Variants in MBNL1 observed in about 807,000 individuals in gnomAD.
MBNL1 encodes muscleblind-like protein 1.
A neutral mutation model predicts 42.2 loss-of-function variants in MBNL1; 8 were observed. The ratio of observed to expected loss-of-function variants is 0.19; its 90% CI spans 0.11 to 0.34. The LOEUF (loss-of-function observed/expected upper bound fraction) is 0.34, where lower values mean the gene tolerates loss of function less well. MBNL1 is among the 10% of genes least tolerant of loss of function. MBNL1 has a pLI of 1.00. For synonymous variants in MBNL1, 169 were observed against 173.9 expected, an observed-to-expected ratio of 0.97 and a Z score of 0.22; for missense variants, 309 against 495.3, an observed-to-expected ratio of 0.62 and a Z score of 3.57.
Position 152,299,527 on chromosome 3 carries a change from T to A in MBNL1, c.-667T>A, listed in dbSNP as rs939232018. The A allele has an allele frequency of 1.5e-5, 6 of 392,502 alleles. No homozygotes were observed. The highest frequency in any genetic ancestry group is 2.7e-5 in the Non-Finnish European group (6 of 222,634). 24.3% of individuals were successfully genotyped at this position (392,502 alleles called of 1,614,324 possible). A position where few individuals can be genotyped will look rare whatever the true frequency, so the allele number is the denominator to read the frequency against. ...GACGACAGCACATCCACCCTCCACC[T>A]CTAGCCCAGACACCCCCATTTCTAC... On this transcript the variant is annotated 5_prime_UTR_variant, in exon 2 of 10. Transcript: ENST00000324210.
rs558343026 is a variant in MBNL1, at chr3:152,333,813, A to G, written c.174+33446A>G. Among the ~76,000 whole-genome samples, 8 of 152,346 alleles carry G rather than the reference A, an allele frequency of 5.3e-5. No homozygotes were observed. In the East Asian group the frequency reaches 9.6e-4, roughly 18 times the overall value. ...TTTTAAAATGTCTGTCTCGTTAACAATAAATGTGCAATATACAAATAAATG... is the reference window on the plus strand; with the variant it reads ...TTTTAAAATGTCTGTCTCGTTAACAGTAAATGTGCAATATACAAATAAATG... On this transcript the variant is annotated intron_variant, in intron 2 of 9. Transcript: ENST00000324210.
intron 2 of MBNL1, among the ~76,000 whole-genome samples, chr3:152,303,459 C>T (rs2151683271): frequency 6.6e-6 from 1 of 152,184 alleles, no homozygotes; most frequent in African/African-American, 2.4e-5. Context: ...GGTGTATTAG[C>T]TATTTCAGAA....
intron 6 of MBNL1, among the ~76,000 whole-genome samples, chr3:152,453,604 G>A (rs1727840189): frequency 6.6e-6 from 1 of 152,104 alleles, no homozygotes; most frequent in Non-Finnish European, 1.5e-5. Context: ...TTTCATTTTT[G>A]GTAAGTGGGT....
rs1431743653 is a variant in MBNL1, at chr3:152,269,084, ATG to A, written c.-795_-794del. ...CAGTGGGGCCGCCTCTGAAAAAAAA[ATG>A]TGAGAGGTAAGTTTCCATTTTCACA... On this transcript the variant is annotated 5_prime_UTR_variant, in exon 1 of 10. An upstream open reading frame in the 5' UTR loses its in-frame stop. Coordinates refer to ENST00000324210, the MANE Select transcript of MBNL1 (RefSeq NM_021038.5). 1.8e-5 allele frequency: 8 copies of A among 454,942 alleles called. No individual in the cohort carries two copies. The highest frequency in any genetic ancestry group is 1.6e-4 in the Admixed American group (7 of 42,508). 28.2% of individuals were successfully genotyped at this position (454,942 alleles called of 1,614,324 possible).
intron 3 of MBNL1, among the ~76,000 whole-genome samples, chr3:152,421,443 C>A (rs183532587): frequency 9.3e-4 from 141 of 152,296 alleles, no homozygotes; most frequent in Admixed American, 8.6e-3. Flanking sequence ...GCCTAGCAGT[C>A]TGAAGTCAAC....
chr3:152,444,084 T>G (rs2099185351), intron 4 of MBNL1, among the ~76,000 whole-genome samples: 1 of 152,228 alleles, frequency 6.6e-6, no homozygotes. Flanking sequence ...AGTTTTTCTT[T>G]CTTGCTTAAC....
chr3:152,419,741 C>T (rs966247426), intron 3 of MBNL1, among the ~76,000 whole-genome samples: 2 of 151,850 alleles, frequency 1.3e-5, no homozygotes, highest in Non-Finnish European at 2.9e-5. Context: ...TCTAGTGGCT[C>T]CTGGAACACC....
intron 2 of MBNL1, among the ~76,000 whole-genome samples, chr3:152,337,190 C>A (rs776344326): frequency 8.5e-5 from 13 of 152,134 alleles, no homozygotes; most frequent in Non-Finnish European, 1.9e-4. Context: ...AAGGTGAGTT[C>A]TTGAAGGCTT....
At chr3:152,412,480 G>A (rs1012878332) in intron 2 of MBNL1, among the ~76,000 whole-genome samples, 2 of 152,058 alleles carry the variant, frequency 1.3e-5, no homozygotes, top group African/African-American at 2.4e-5. Context: ...TAGGAACACA[G>A]CTTTTTGAAA....
chr3:152,450,585 G>C (rs1003509644), intron 6 of MBNL1, among the ~76,000 whole-genome samples: 2 of 152,184 alleles, frequency 1.3e-5, no homozygotes, highest in Admixed American at 1.3e-4. Context: ...TCAATGTTCA[G>C]ACTTTGCCTT....
chr3:152,299,679 T>C lies in MBNL1; in HGVS notation c.-515T>C. 3 of 398,696 alleles carry C rather than the reference T, an allele frequency of 7.5e-6. No individual in the cohort carries two copies. Among genetic ancestry groups the C allele is most frequent in the Non-Finnish European group, 1.3e-5 (3 of 226,096 alleles). The allele number at this position is 398,696 out of a possible 1,614,324, so 24.7% of individuals were successfully genotyped here. On this transcript the variant is annotated 5_prime_UTR_variant, in exon 2 of 10. Transcript: ENST00000324210. ...ATCAAGGAGGAAAAAAAAAATCATTTTCTCGATTTTGCTCTAAACTGCTGC... is the reference window on the plus strand; with the variant it reads ...ATCAAGGAGGAAAAAAAAAATCATTCTCTCGATTTTGCTCTAAACTGCTGC...
Position 152,380,397 on chromosome 3 carries a change from C to T in MBNL1, c.175-34544C>T, listed in dbSNP as rs183079683. On this transcript the variant is annotated intron_variant, in intron 2 of 9. Transcript: ENST00000324210. ...CTCAAAGTTTATGGTAAGGTCTAAA[C>T]GGGCATTGAGCCAGATAGAATGGAG... Among the ~76,000 whole-genome samples, 418 of 152,040 alleles carry T rather than the reference C, an allele frequency of 2.7e-3. 1 individual carries two copies. Among genetic ancestry groups the T allele is most frequent in the African/African-American group, 9.3e-3 (386 of 41,494 alleles).
intron 2 of MBNL1, among the ~76,000 whole-genome samples, chr3:152,319,680 A>G (rs1014343053): frequency 7.6e-6 from 1 of 132,010 alleles, no homozygotes. Flanking sequence ...ATGTGTATAC[A>G]TTATGCTTAT....
At chr3:152,406,714 G>A (rs1011696898) in intron 2 of MBNL1, among the ~76,000 whole-genome samples, 1 of 152,078 alleles carries the variant, frequency 6.6e-6, no homozygotes, top group Non-Finnish European at 1.5e-5. Context: ...CAATAGTGAG[G>A]ATATTTTGGG....
At chr3:152,247,630 AT>A (rs1415298335) in intron 2 of MBNL1, among the ~76,000 whole-genome samples, 4 of 151,980 alleles carry the variant, frequency 2.6e-5, no homozygotes, top group African/African-American at 4.8e-5. Context: ...GAGAATTAGT[AT>A]AGTTCTGTTA....
intron 2 of MBNL1, chr3:152,396,250 A>G (rs1350069509): frequency 3.9e-6 from 1 of 259,000 alleles, no homozygotes; most frequent in Non-Finnish European, 7.6e-6. Flanking sequence ...ATTTTATTAT[A>G]TATTACAATG....
At chr3:152,249,252 T>C (rs62272725) in intron 2 of MBNL1, among the ~76,000 whole-genome samples, 33,723 of 124,936 alleles carry the variant, frequency 0.27, 5,327 homozygotes, top group Non-Finnish European at 0.39. Flanking sequence ...AAAGTGTTCC[T>C]ATTTCTCCAC....
chr3:152,419,908 G>A (rs1450827052), intron 3 of MBNL1, among the ~76,000 whole-genome samples: 7 of 152,054 alleles, frequency 4.6e-5, no homozygotes, highest in Non-Finnish European at 7.4e-5. Context: ...TGAGACTATC[G>A]AGCTTGGTAG....
chr3:152,289,010 CA>C (rs1198337856), intron 1 of MBNL1, among the ~76,000 whole-genome samples: 6 of 151,804 alleles, frequency 4.0e-5, no homozygotes, highest in African/African-American at 1.2e-4. Context: ...AGATAAAGTA[CA>C]GCATAGGCTT....
Sources: allele counts gnomAD v4.1 joint callset (sites outside exome capture counted in the v4.1 genomes callset), GRCh38; gene constraint gnomAD v4.1.1; transcripts MANE v1.5; gene names NCBI Gene and HGNC (gene_info 2026-07-23, HGNC 2026-07-21).